Variants in BCL2 observed in about 807,000 individuals in gnomAD.
BCL2 encodes BCL2 apoptosis regulator, also known as apoptosis regulator Bcl-2.
A neutral mutation model predicts 14.2 loss-of-function variants in BCL2; 1 was observed. That is an observed-to-expected ratio of 0.07 (90% CI 0.02 to 0.33). BCL2 has a LOEUF of 0.33. Among genes scored for constraint, BCL2 ranks in the 10% least tolerant of loss-of-function variants. The pLI is 0.99. For synonymous variants in BCL2, 151 were observed against 137.2 expected (o/e 1.10, Z -0.70); for missense variants, 247 against 305.9 (o/e 0.81, Z 1.44).
At chr18:63,208,504 A>C (rs1208601933) in intron 2 of BCL2, among the ~76,000 whole-genome samples, 1 of 152,226 alleles carries the variant, frequency 6.6e-6, no homozygotes, top group East Asian at 1.9e-4. Flanking sequence ...GAAAGGAGCC[A>C]AAAGGAAATA....
At chr18:63,278,319 C>T (rs1402371610) in intron 2 of BCL2, among the ~76,000 whole-genome samples, 1 of 152,228 alleles carries the variant, frequency 6.6e-6, no homozygotes, top group African/African-American at 2.4e-5. Context: ...TCATATTCTA[C>T]AGGATATTGA....
intron 2 of BCL2, among the ~76,000 whole-genome samples, chr18:63,201,226 T>C (rs1269621032): frequency 6.6e-6 from 1 of 152,232 alleles, no homozygotes; most frequent in Non-Finnish European, 1.5e-5. Flanking sequence ...AACAAACCAT[T>C]GTGAGAAAAG....
chr18:63,312,008 C>T (rs1302673128), intron 2 of BCL2, among the ~76,000 whole-genome samples: 1 of 152,212 alleles, frequency 6.6e-6, no homozygotes, highest in Admixed American at 6.5e-5. Context: ...CCAGCAGATA[C>T]TATCTTTTCT....
At position 63,273,068 on chromosome 18, in the gene BCL2, A is replaced by G. The variant is rs1293016849; in HGVS notation, c.585+45014T>C. ...TTTTAGGAAGATTTGATAATGCAGCAGGATTTTCATAATGATACAGATAAT... is the reference window on the plus strand; with the variant it reads ...TTTTAGGAAGATTTGATAATGCAGCGGGATTTTCATAATGATACAGATAAT... On this transcript the variant is annotated intron_variant, in intron 2 of 2. Coordinates refer to ENST00000333681, the MANE Select transcript of BCL2 (RefSeq NM_000633.3). Among the ~76,000 whole-genome samples the G allele has an allele frequency of 4.6e-5, 7 of 152,310 alleles. No individual in the cohort carries two copies. The East Asian group carries it at 1.3e-3, about 29-fold the overall frequency.
chr18:63,167,479 A>T (rs751376724), intron 2 of BCL2, among the ~76,000 whole-genome samples: 6 of 152,180 alleles, frequency 3.9e-5, no homozygotes, highest in Non-Finnish European at 5.9e-5. Context: ...GGGCACATTT[A>T]AAAATAAAAT....
At chr18:63,284,984 G>A (rs1049961684) in intron 2 of BCL2, among the ~76,000 whole-genome samples, 2 of 152,178 alleles carry the variant, frequency 1.3e-5, no homozygotes, top group Admixed American at 1.3e-4. Context: ...AGTCAGGCAT[G>A]GAAGGTTTCA....
rs376192337 is a variant in BCL2 at position 63,144,848 on chromosome 18, C to T, written c.586-16089G>A. On this transcript the variant is annotated intron_variant, in intron 2 of 2. Transcript: ENST00000333681. ...AGACCCTGTGACCATGGAGAAACCACCAGTCACAGGACCTTCCCCATCACC... is the reference window on the plus strand; with the variant it reads ...AGACCCTGTGACCATGGAGAAACCATCAGTCACAGGACCTTCCCCATCACC... Among the ~76,000 whole-genome samples, 428 of 152,250 alleles carry T rather than the reference C, an allele frequency of 2.8e-3. 1 individual carries two copies. The highest frequency in any genetic ancestry group is 9.5e-3 in the African/African-American group (394 of 41,552).
At chr18:63,148,115 C>A (rs938708976) in intron 2 of BCL2, among the ~76,000 whole-genome samples, 4 of 152,170 alleles carry the variant, frequency 2.6e-5, no homozygotes, top group Non-Finnish European at 4.4e-5. Flanking sequence ...CCGCTCCCCC[C>A]CATTTCAGAT....
chr18:63,299,650 G>A (rs1003122923), intron 2 of BCL2, among the ~76,000 whole-genome samples: 12 of 152,038 alleles, frequency 7.9e-5, no homozygotes, highest in African/African-American at 1.5e-4. Flanking sequence ...CTATCTTCCC[G>A]CTTCATCCCC....
At chr18:63,166,281 TGGCCAACCTTGGAATG>T (rs1915042613) in intron 2 of BCL2, among the ~76,000 whole-genome samples, 1 of 152,186 alleles carries the variant, frequency 6.6e-6, no homozygotes, top group South Asian at 2.1e-4. Context: ...AGGAGAAACT[TGGCCAACCTTGGAATG>T]GGCCTTGGAA....
At chr18:63,197,028 A>G (rs986969964) in intron 2 of BCL2, among the ~76,000 whole-genome samples, 2 of 152,212 alleles carry the variant, frequency 1.3e-5, no homozygotes, top group African/African-American at 2.4e-5. Context: ...CTTCAAATCT[A>G]TCTTCTTCAC....
At chr18:63,179,478 C>G (rs1354746275) in intron 2 of BCL2, among the ~76,000 whole-genome samples, 1 of 152,214 alleles carries the variant, frequency 6.6e-6, no homozygotes, top group Non-Finnish European at 1.5e-5. Context: ...CTATAATACA[C>G]AAGAGCCCCT....
chr18:63,227,734 T>A (rs1451240594), intron 2 of BCL2, among the ~76,000 whole-genome samples: 1 of 152,194 alleles, frequency 6.6e-6, no homozygotes, highest in African/African-American at 2.4e-5. Context: ...ATAAATGACT[T>A]TAACCTGTTA....
chr18:63,169,219 G>T (rs925821056), intron 2 of BCL2, among the ~76,000 whole-genome samples: 2 of 151,088 alleles, frequency 1.3e-5, no homozygotes, highest in Admixed American at 6.6e-5. Context: ...TAAGTTAAAT[G>T]CAGACAGAAT....
chr18:63,253,127 G>A (rs1911363855), intron 2 of BCL2, among the ~76,000 whole-genome samples: 1 of 152,190 alleles, frequency 6.6e-6, no homozygotes, highest in Non-Finnish European at 1.5e-5. Context: ...TACATAGCTG[G>A]CACTGTTCTA....
rs546571737 is a variant in BCL2 at position 63,226,416 on chromosome 18, T to G, written c.585+91666A>C. 4.0e-4 allele frequency among the ~76,000 whole-genome samples: 61 copies of G among 152,270 alleles called. 1 individual carries two copies. The South Asian group carries it at 9.5e-3, about 24-fold the overall frequency. ...GGGACCCACCCTCTTCTGCCCAGAA[T>G]TTCCCTGTCTCCTGTCCCTATCAGT... On this transcript the variant is annotated intron_variant, in intron 2 of 2. Coordinates refer to ENST00000333681, the MANE Select transcript of BCL2 (RefSeq NM_000633.3).
chr18:63,145,580 C>T (rs561939871), intron 2 of BCL2, among the ~76,000 whole-genome samples: 1 of 152,194 alleles, frequency 6.6e-6, no homozygotes, highest in African/African-American at 2.4e-5. Flanking sequence ...AGGAACCTAC[C>T]TGCCAAGTGT....
At chr18:63,296,438 A>G (rs1234808144) in intron 2 of BCL2, among the ~76,000 whole-genome samples, 1 of 152,134 alleles carries the variant, frequency 6.6e-6, no homozygotes, top group Non-Finnish European at 1.5e-5. Context: ...AAGCAGCTGA[A>G]ACTACAGGCA....
At chr18:63,150,589 A>G (rs1486748452) in intron 2 of BCL2, among the ~76,000 whole-genome samples, 1 of 152,000 alleles carries the variant, frequency 6.6e-6, no homozygotes, top group Non-Finnish European at 1.5e-5. Context: ...TCTCTGTGAA[A>G]CCATCACTTC....
Sources: allele counts gnomAD v4.1 joint callset (sites outside exome capture counted in the v4.1 genomes callset), GRCh38; gene constraint gnomAD v4.1.1; transcripts MANE v1.5; gene names NCBI Gene and HGNC (gene_info 2026-07-23, HGNC 2026-07-21).